The following ZFHX3 variants were observed in gnomAD, a reference collection of about 807,000 sequenced individuals.
ZFHX3 encodes the protein zinc finger homeobox protein 3.
In ZFHX3, 42 loss-of-function variants were observed where a neutral mutation model predicts 279.1. The observed-to-expected ratio is 0.15, with a 90% CI of 0.12 to 0.19. ZFHX3 has a LOEUF of 0.19. ZFHX3 is among the 10% of genes least tolerant of loss of function. The pLI is 1.00. For missense variants in ZFHX3, 4,981 were observed against 4,754.0 expected (o/e 1.05, Z -1.40); for synonymous variants, 2,293 against 1,957.8 (o/e 1.17, Z -4.52).
chr16:72,791,174 G>C (rs1254109921), intron 9 of ZFHX3: 1 of 152,128 alleles, frequency 6.6e-6, no homozygotes, highest in African/African-American at 2.4e-5. Flanking sequence ...TTGAACTCTT[G>C]GAACCTCAGC....
intron 3 of ZFHX3, among the ~76,000 whole-genome samples, chr16:73,369,477 G>A (rs1229883590): frequency 6.6e-6 from 1 of 152,208 alleles, no homozygotes. Context: ...GCTACAATCT[G>A]TGGTCTTGGG....
At chr16:72,850,699 C>G (rs1017637945) in intron 4 of ZFHX3, among the ~76,000 whole-genome samples, 3 of 152,084 alleles carry the variant, frequency 2.0e-5, no homozygotes, top group Admixed American at 6.5e-5. Context: ...GATGCCTCCC[C>G]CTAAGATGTG....
intron 1 of ZFHX3, among the ~76,000 whole-genome samples, chr16:73,888,935 G>C (rs1045607898): frequency 1.3e-5 from 2 of 150,330 alleles, no homozygotes; most frequent in Non-Finnish European, 3.0e-5. Flanking sequence ...CTGCTGTCTG[G>C]TAGCAAGCCC....
intron 1 of ZFHX3, among the ~76,000 whole-genome samples, chr16:73,766,273 C>T (rs1188208196): frequency 1.3e-5 from 2 of 152,176 alleles, no homozygotes; most frequent in African/African-American, 2.4e-5. Context: ...TCCTCAAAGG[C>T]CTGTTGACTC....
In ZFHX3 at chr16:73,366,530, G is replaced by A. The variant is rs567755141; in HGVS notation, c.-1290-48194C>T. On this transcript the variant is annotated intron_variant, in intron 3 of 17. Coordinates refer to the ZFHX3 transcript ENST00000641206. The stretch of plus-strand genomic sequence containing the variant: ...GAGGATTGCTTGAGCCCAGGAGTTT[G>A]AGACCAGCCTTGGCAATGTAGTGAG... Among the ~76,000 whole-genome samples, 9 of 148,926 alleles carry A rather than the reference G, an allele frequency of 6.0e-5. No individual in the cohort carries two copies. The East Asian group carries it at 1.8e-3, about 30-fold the overall frequency.
At chr16:73,223,562 G>A (rs1030686124) in intron 5 of ZFHX3, among the ~76,000 whole-genome samples, 6 of 152,160 alleles carry the variant, frequency 3.9e-5, no homozygotes, top group Non-Finnish European at 5.9e-5. Context: ...TGAAATACTG[G>A]TGAGGATATG....
intron 2 of ZFHX3, among the ~76,000 whole-genome samples, chr16:73,488,510 A>T (rs1016083646): frequency 5.9e-5 from 9 of 152,148 alleles, no homozygotes; most frequent in Admixed American, 3.3e-4. Context: ...GGTGGTATTG[A>T]CACGGATGGA....
At chr16:72,909,616 G>A (rs184325485) in intron 3 of ZFHX3, among the ~76,000 whole-genome samples, 24 of 152,142 alleles carry the variant, frequency 1.6e-4, no homozygotes, top group Admixed American at 3.9e-4. Flanking sequence ...GGCCGGGTGC[G>A]GTATAATCCC....
At position 73,253,296 on chromosome 16, in the gene ZFHX3, T is replaced by A. The variant is rs1194288785; in HGVS notation, c.-1104+3751A>T. On this transcript the variant is annotated intron_variant, in intron 5 of 17. Coordinates refer to the ZFHX3 transcript ENST00000641206. ...GTCCAGAAAACAGCAAGAGTGTGGG[T>A]GTAATGAAAGGAGAACAGGGTTGCA... Among the ~76,000 whole-genome samples, 3 of 152,024 alleles carry A rather than the reference T, an allele frequency of 2.0e-5. No individual in the cohort carries two copies. In the East Asian group the frequency reaches 5.8e-4, roughly 29 times the overall value.
At chr16:73,350,362 G>A (rs2016215976) in intron 3 of ZFHX3, among the ~76,000 whole-genome samples, 1 of 152,150 alleles carries the variant, frequency 6.6e-6, no homozygotes, top group Non-Finnish European at 1.5e-5. Context: ...TGCTGACAGT[G>A]TGCACGGCCC....
At chr16:73,563,954 T>C (rs915863047) in intron 2 of ZFHX3, among the ~76,000 whole-genome samples, 9 of 152,192 alleles carry the variant, frequency 5.9e-5, no homozygotes, top group African/African-American at 1.9e-4. Context: ...ACTCAAAGCA[T>C]TTCTTTAAAA....
chr16:72,920,509 G>A (rs138456904), intron 3 of ZFHX3, among the ~76,000 whole-genome samples: 3,907 of 150,948 alleles, frequency 0.026, 185 homozygotes, highest in African/African-American at 0.089. Flanking sequence ...GCGAAACCCC[G>A]TCTCTACTAA....
chr16:73,019,343 CGTGT>C (rs112184906), intron 1 of ZFHX3, among the ~76,000 whole-genome samples: 19,043 of 150,110 alleles, frequency 0.13, 1,472 homozygotes, highest in Admixed American at 0.27. Flanking sequence ...TGTGTCTGTG[CGTGT>C]GTGTGTGTGT....
intron 2 of ZFHX3, among the ~76,000 whole-genome samples, chr16:73,674,778 G>A (rs1367451493): frequency 1.3e-5 from 2 of 152,118 alleles, no homozygotes; most frequent in Non-Finnish European, 2.9e-5. Context: ...GAAACCCTCA[G>A]ATATGTGGCT....
intron 1 of ZFHX3, among the ~76,000 whole-genome samples, chr16:73,719,126 G>A (rs1423593163): frequency 6.6e-6 from 1 of 152,116 alleles, no homozygotes; most frequent in Non-Finnish European, 1.5e-5. Flanking sequence ...TAAGAATCTT[G>A]GTCACTTTGA....
Position 72,797,598 on chromosome 16 carries a change from T to C in ZFHX3, c.5084A>G (p.Asn1695Ser), listed in dbSNP as rs1247594471. The change falls in exon 9 of 10, where the codon AAT becomes AGT. Residue 1695 changes from asparagine to serine, a missense_variant. Transcript: ENST00000268489. ...GGAAGCAATGTTGGCACCAATAGGA[T>C]TCCCCAGGGGTGGCATCCCTACACT... is the stretch of plus-strand genomic sequence containing the variant. ...TESVGMPPLG[N>S]PIGANIASPS... is the part of the protein sequence containing the mutation. The C allele has an allele frequency of 6.2e-7, 1 of 1,614,086 alleles. No individual in the cohort carries two copies. The highest frequency in any genetic ancestry group is 1.1e-5 in the South Asian group (1 of 91,076).
intron 5 of ZFHX3, among the ~76,000 whole-genome samples, chr16:73,213,878 C>T (rs191110073): frequency 1.3e-5 from 2 of 152,298 alleles, no homozygotes; most frequent in African/African-American, 4.8e-5. Context: ...AGATGGCTCT[C>T]CTATTCCTTC....
chr16:73,719,774 C>T (rs1362164326), intron 1 of ZFHX3, among the ~76,000 whole-genome samples: 1 of 152,144 alleles, frequency 6.6e-6, no homozygotes, highest in Admixed American at 6.5e-5. Flanking sequence ...GCTGAGATTA[C>T]AGGCATGCAC....
At chr16:73,499,184 C>T (rs573849072) in intron 2 of ZFHX3, 12 of 152,302 alleles carry the variant, frequency 7.9e-5, no homozygotes, top group African/African-American at 2.9e-4. Flanking sequence ...CTCAGTCCCT[C>T]AGGTCCTTTG....
Sources: gnomAD v4.1 joint callset for allele counts (sites outside exome capture counted in the v4.1 genomes callset) on GRCh38, gnomAD v4.1.1 for gene constraint, MANE v1.5 for transcripts, NCBI Gene and HGNC (gene_info 2026-07-23, HGNC 2026-07-21) for gene names.